The following CTSC variants were observed in gnomAD, a reference collection of about 807,000 sequenced individuals.
CTSC encodes dipeptidyl peptidase 1.
CTSC carries 37 observed loss-of-function variants against 40.9 expected under a neutral mutation model. That is an observed-to-expected ratio of 0.91 (90% CI 0.70 to 1.19). The LOEUF (loss-of-function observed/expected upper bound fraction) is 1.19. Ranked by LOEUF, CTSC falls within the 50% of genes most tolerant of loss-of-function variation. The pLI, the probability that CTSC is intolerant of heterozygous loss-of-function variation, is 0.00. For synonymous variants in CTSC, 232 were observed against 207.4 expected (o/e 1.12, Z -1.02); for missense variants, 594 against 567.3 (o/e 1.05, Z -0.48).
intron 4 of CTSC, among the ~76,000 whole-genome samples, chr11:88,308,774 C>T (rs1012946076): frequency 5.3e-5 from 8 of 152,236 alleles, no homozygotes; most frequent in African/African-American, 1.7e-4. Context: ...CCCCACGTGG[C>T]ATGGCCAGCC....
chr11:88,315,891 T>C (rs1414578171), intron 2 of CTSC, among the ~76,000 whole-genome samples: 2 of 152,254 alleles, frequency 1.3e-5, no homozygotes, highest in African/African-American at 4.8e-5. Context: ...GATAATCTCT[T>C]TGGGATAAAA....
intron 2 of CTSC, chr11:88,323,005 G>T (rs188921333): frequency 6.6e-6 from 1 of 152,068 alleles, no homozygotes; most frequent in African/African-American, 2.4e-5. Flanking sequence ...GATGAACTTC[G>T]ACGCAAAAAA....
chr11:88,323,822 A>G (rs938966115), intron 2 of CTSC: 3 of 152,256 alleles, frequency 2.0e-5, no homozygotes, highest in African/African-American at 7.2e-5. Flanking sequence ...CAATATCATG[A>G]AAATGGCCAT....
intron 3 of CTSC, among the ~76,000 whole-genome samples, chr11:88,310,380 G>C (rs1329156358): frequency 6.6e-6 from 1 of 152,098 alleles, no homozygotes; most frequent in African/African-American, 2.4e-5. Flanking sequence ...CTGTGTGCTA[G>C]ATGCTAGGAA....
intron 5 of CTSC, 139 bp downstream of exon 5, chr11:88,300,391 T>G: frequency 1.5e-6 from 1 of 653,518 alleles, no homozygotes; most frequent in Non-Finnish European, 2.8e-6. Flanking sequence ...GAATAATTCA[T>G]AGGCCACCTA....
chr11:88,328,477 G>A (rs1286438087), intron 2 of CTSC, among the ~76,000 whole-genome samples: 1 of 152,168 alleles, frequency 6.6e-6, no homozygotes, highest in Non-Finnish European at 1.5e-5. Context: ...AAGGCTCAGT[G>A]AAAAAATGTC....
At position 88,312,420 on chromosome 11, in the gene CTSC, G is replaced by GACAT; in HGVS notation, c.449_452dup (p.Asn152CysfsTer7). 6.2e-7 allele frequency: 1 copy of GACAT among 1,614,064 alleles called. No individual in the cohort carries two copies. Among genetic ancestry groups the GACAT allele is most frequent in the South Asian group, 1.1e-5 (1 of 91,082 alleles). Reference sequence around the variant, plus strand: ...GAGAATTCTTAAGGTGTGCTATGTTGACATACACATTCTCAGAGGCAGTTC... The same window carrying GACAT: ...GAGAATTCTTAAGGTGTGCTATGTTGACATACATACACATTCTCAGAGGCAGTTC... On this transcript the variant is annotated frameshift_variant, in exon 3 of 7. Transcript: ENST00000227266. LOFTEE classifies it high-confidence loss of function.
chr11:88,297,121 A>G (rs1210636886), intron 5 of CTSC: 1 of 152,228 alleles, frequency 6.6e-6, no homozygotes. Flanking sequence ...ACTGTCTCCT[A>G]AGGCAGGATT....
chr11:88,319,525 AT>A (rs1937950160), intron 2 of CTSC, among the ~76,000 whole-genome samples: 1 of 152,166 alleles, frequency 6.6e-6, no homozygotes, highest in Non-Finnish European at 1.5e-5. Flanking sequence ...AATGTTGAAA[AT>A]TTACAGTCAT....
intron 2 of CTSC, chr11:88,324,707 T>C: frequency 1.0e-6 from 1 of 985,244 alleles, no homozygotes; most frequent in Non-Finnish European, 1.2e-6. Flanking sequence ...AAAGCAGAGG[T>C]ACCTGCGATA....
Position 88,309,282 on chromosome 11 carries a change from A to T in CTSC, c.522T>A (p.Phe174Leu), listed in dbSNP as rs762432629. The change falls in exon 4 of 7, where the codon TTT (phenylalanine) becomes TTA (leucine). Residue 174 changes from phenylalanine to leucine, a missense_variant. Phe to Leu is a conservative substitution (Grantham distance 22, BLOSUM62 0). Transcript: ENST00000227266. ...SNRLYKYDHN[F>L]VKAINAIQKS... ...TCTGAATGGCATTGATAGCTTTCAC[A>T]AAGTTGTGATCATACTTGTAGAGCC... The T allele has an allele frequency of 1.2e-6, 2 of 1,613,880 alleles. No homozygotes were observed. The highest frequency in any genetic ancestry group is 4.5e-5 in the East Asian group (2 of 44,884).
intron 4 of CTSC, among the ~76,000 whole-genome samples, chr11:88,307,995 T>C (rs984652497): frequency 2.6e-5 from 4 of 152,132 alleles, no homozygotes; most frequent in African/African-American, 9.7e-5. Context: ...GAACTTGGTA[T>C]AAGAGGATGA....
chr11:88,312,362 C>G (rs777210390), intron 3 of CTSC, 26 bp downstream of exon 3: 4 of 1,610,380 alleles, frequency 2.5e-6, no homozygotes, highest in Non-Finnish European at 3.4e-6. Flanking sequence ...CAAAACTAAA[C>G]GTATGTCTCA....
At chr11:88,320,028 C>G (rs1000853550) in intron 2 of CTSC, among the ~76,000 whole-genome samples, 1 of 152,132 alleles carries the variant, frequency 6.6e-6, no homozygotes, top group Non-Finnish European at 1.5e-5. Context: ...TTTGCCAAAT[C>G]CATCAGAGTG....
chr11:88,302,895 A>G (rs992034306), intron 4 of CTSC, among the ~76,000 whole-genome samples: 9 of 152,180 alleles, frequency 5.9e-5, no homozygotes, highest in African/African-American at 2.2e-4. Flanking sequence ...AAAGATTACT[A>G]TAACAAGTTA....
intron 2 of CTSC, chr11:88,326,414 G>A (rs774804235): frequency 5.6e-6 from 9 of 1,613,362 alleles, no homozygotes; most frequent in Middle Eastern, 1.7e-4. Context: ...GGTTTTAAAA[G>A]AGTCCCTCAA....
chr11:88,307,390 C>A (rs1172177511), intron 4 of CTSC, among the ~76,000 whole-genome samples: 1 of 151,994 alleles, frequency 6.6e-6, no homozygotes, highest in Admixed American at 6.6e-5. Flanking sequence ...CTAGATCCAG[C>A]TATACTTTCA....
chr11:88,337,418 G>C, intron 1 of CTSC, 83 bp downstream of exon 1: 2 of 1,382,584 alleles, frequency 1.4e-6, no homozygotes. Flanking sequence ...CTGCCTGGGG[G>C]GAAGCGGTAG....
chr11:88,315,944 G>T (rs1474089992), intron 2 of CTSC, among the ~76,000 whole-genome samples: 1 of 152,028 alleles, frequency 6.6e-6, no homozygotes, highest in Non-Finnish European at 1.5e-5. Flanking sequence ...AAATTAAATG[G>T]AGAGGAAAGG....
Sources: gnomAD v4.1 joint callset for allele counts (sites outside exome capture counted in the v4.1 genomes callset) on GRCh38, gnomAD v4.1.1 for gene constraint, MANE v1.5 for transcripts, NCBI Gene and HGNC (gene_info 2026-07-23, HGNC 2026-07-21) for gene names.